Variants in RIC8B observed in about 807,000 individuals in gnomAD.
RIC8B encodes the protein RIC8 guanine nucleotide exchange factor B, also known as chaperone Ric-8B.
RIC8B carries 16 observed loss-of-function variants against 57.5 expected under a neutral mutation model. The observed-to-expected ratio is 0.28, with a 90% CI of 0.19 to 0.42. RIC8B has a LOEUF of 0.42. RIC8B is among the 10% of genes least tolerant of loss of function. The pLI is 1.00. For missense variants in RIC8B, 481 were observed against 677.0 expected (o/e 0.71, Z 3.21); for synonymous variants, 216 against 250.8 (o/e 0.86, Z 1.31).
At chr12:106,834,236 A>G (rs1315601424) in intron 4 of RIC8B, among the ~76,000 whole-genome samples, 1 of 152,120 alleles carries the variant, frequency 6.6e-6, no homozygotes, top group African/African-American at 2.4e-5. Flanking sequence ...ATCTGTTTGG[A>G]TTGTCCTTGT....
At chr12:106,858,475 C>T (rs1476474902) in intron 7 of RIC8B, among the ~76,000 whole-genome samples, 1 of 152,012 alleles carries the variant, frequency 6.6e-6, no homozygotes, top group Non-Finnish European at 1.5e-5. Context: ...ATTAAGAATA[C>T]CTATATACAC....
intron 1 of RIC8B, among the ~76,000 whole-genome samples, chr12:106,780,631 T>C (rs1401322134): frequency 6.6e-6 from 1 of 152,250 alleles, no homozygotes; most frequent in African/African-American, 2.4e-5. Flanking sequence ...TGTTATACTT[T>C]GTTCTTATGT....
chr12:106,861,308 ACTAT>A (rs1949923967), intron 8 of RIC8B, among the ~76,000 whole-genome samples: 1 of 152,028 alleles, frequency 6.6e-6, no homozygotes, highest in Admixed American at 6.6e-5. Flanking sequence ...TCGAGGATAG[ACTAT>A]CTTTATCTGC....
intron 2 of RIC8B, among the ~76,000 whole-genome samples, chr12:106,802,715 C>T (rs1234762126): frequency 1.1e-4 from 16 of 151,828 alleles, no homozygotes; most frequent in African/African-American, 3.6e-4. Context: ...TCACTAGATA[C>T]CAGTAAAAGA....
rs573306689 is a variant in RIC8B, at chr12:106,875,368, C to T, written c.1571+4426C>T. Among the ~76,000 whole-genome samples, 24 of 152,132 alleles carry T rather than the reference C, an allele frequency of 1.6e-4. No individual in the cohort carries two copies. The South Asian group carries it at 5.0e-3, about 32-fold the overall frequency. ...TCCCTGACTTCGGAAAAAATAAGCC[C>T]CTGCAACTCAAGCAGGAGATCTGAA... On this transcript the variant is annotated intron_variant, in intron 9 of 9. Transcript: ENST00000392837.
intron 1 of RIC8B, chr12:106,775,549 T>C (rs2043432957): frequency 3.1e-6 from 1 of 324,982 alleles, no homozygotes; most frequent in South Asian, 2.4e-5. Flanking sequence ...CATTTTGCAA[T>C]TGAGACTCTA....
rs1949015592 is a variant in RIC8B at position 106,842,769 on chromosome 12, G to A, written c.1017G>A (p.Met339Ile). 1.2e-6 allele frequency: 2 copies of A among 1,613,064 alleles called. No homozygotes were observed. The highest frequency in any genetic ancestry group is 3.3e-5 in the Admixed American group (2 of 59,982). Reference sequence around the variant, plus strand: ...CCATGGTATACAATGGTATGAATATGGAGGCCATTCATGTTTTACTGAATT... The same window carrying A: ...CCATGGTATACAATGGTATGAATATAGAGGCCATTCATGTTTTACTGAATT... ...NNTMVYNGMN[M>I]EAIHVLLNFM... Residue 339 changes from methionine to isoleucine, a missense_variant, in exon 5 of 10, where the codon ATG becomes ATA. Physicochemically the swap from Met to Ile is conservative, Grantham distance 10. This residue lies in a region of RIC8B where 421 missense variants were observed against 560.9 expected (regional missense o/e 0.75). Transcript: ENST00000392837.
intron 2 of RIC8B, among the ~76,000 whole-genome samples, chr12:106,788,795 G>T (rs2044144722): frequency 6.6e-6 from 1 of 152,140 alleles, no homozygotes; most frequent in Non-Finnish European, 1.5e-5. Flanking sequence ...TAGGCTTCCG[G>T]GTCTGTAATG....
chr12:106,792,655 G>A (rs2044307509), intron 2 of RIC8B, among the ~76,000 whole-genome samples: 2 of 152,144 alleles, frequency 1.3e-5, no homozygotes, highest in Non-Finnish European at 2.9e-5. Flanking sequence ...TAAGAAAAGT[G>A]GGCCGGATGC....
Position 106,825,798 on chromosome 12 carries a change from G to A in RIC8B, c.814G>A (p.Asp272Asn). ...HCLLIVGPTE[D>N]KTEELHSNAV... ...TTTACTAATCGTAGGTCCAACTGAA[G>A]ACAAAACAGAAGAGCTACACAGGTG... is the stretch of plus-strand genomic sequence containing the variant. Residue 272 changes from aspartate (D) to asparagine (N), a missense_variant, in exon 4 of 10, where the codon GAC (aspartate) becomes AAC (asparagine). Asp to Asn is a conservative substitution (Grantham distance 23). Coordinates refer to ENST00000392837, the MANE Select transcript of RIC8B (RefSeq NM_001330145.2). The A allele has an allele frequency of 2.5e-6, 4 of 1,612,830 alleles. No homozygotes were observed. The highest frequency in any genetic ancestry group is 3.4e-6 in the Non-Finnish European group (4 of 1,178,876).
intron 4 of RIC8B, among the ~76,000 whole-genome samples, chr12:106,842,357 T>C (rs1297262490): frequency 1.3e-5 from 2 of 152,210 alleles, no homozygotes; most frequent in East Asian, 1.9e-4. Context: ...CATCATGTGA[T>C]TGTGTCTGTC....
At chr12:106,826,136 T>A (rs2046088863) in intron 4 of RIC8B, among the ~76,000 whole-genome samples, 1 of 152,212 alleles carries the variant, frequency 6.6e-6, no homozygotes, top group Non-Finnish European at 1.5e-5. Flanking sequence ...ATTGAACACT[T>A]AACTCTGTGG....
At chr12:106,874,592 T>C in intron 9 of RIC8B, 1 of 1,505,236 alleles carries the variant, frequency 6.6e-7, no homozygotes, top group Non-Finnish European at 9.1e-7. Flanking sequence ...GTACTGTTAC[T>C]GAGCCTGGTG....
chr12:106,885,428 T>A (rs1381759149), intron 9 of RIC8B, among the ~76,000 whole-genome samples: 2 of 152,128 alleles, frequency 1.3e-5, no homozygotes, highest in Non-Finnish European at 2.9e-5. Flanking sequence ...TACATATCAC[T>A]AGAGACTGAG....
chr12:106,786,780 C>A (rs2044049070), intron 2 of RIC8B, among the ~76,000 whole-genome samples: 2 of 151,206 alleles, frequency 1.3e-5, no homozygotes, highest in Non-Finnish European at 2.9e-5. Flanking sequence ...GCTGTATGTG[C>A]TAATGAGAGA....
intron 7 of RIC8B, among the ~76,000 whole-genome samples, chr12:106,858,376 A>T (rs1399709045): frequency 6.6e-6 from 1 of 152,180 alleles, no homozygotes; most frequent in Admixed American, 6.5e-5. Flanking sequence ...TCTGTAAGTT[A>T]CTTTGTGTGG....
At chr12:106,829,879 G>A (rs1263171336) in intron 4 of RIC8B, among the ~76,000 whole-genome samples, 1 of 152,078 alleles carries the variant, frequency 6.6e-6, no homozygotes, top group Non-Finnish European at 1.5e-5. Flanking sequence ...GGATTGGTGG[G>A]GGATCATTGT....
intron 3 of RIC8B, among the ~76,000 whole-genome samples, chr12:106,825,410 T>A (rs988334618): frequency 1.3e-5 from 2 of 152,202 alleles, no homozygotes; most frequent in Admixed American, 6.5e-5. Context: ...TTATAATGGT[T>A]AGTAAACTGC....
intron 2 of RIC8B, among the ~76,000 whole-genome samples, chr12:106,793,378 A>G (rs565505728): frequency 2.6e-5 from 4 of 152,332 alleles, no homozygotes; most frequent in African/African-American, 9.6e-5. Context: ...CTTCATTTGC[A>G]CAGAATATGG....
Sources: gnomAD v4.1 joint callset for allele counts (sites outside exome capture counted in the v4.1 genomes callset) on GRCh38, gnomAD v4.1.1 for gene constraint, gnomAD v4.1.1 regional missense constraint, MANE v1.5 for transcripts, NCBI Gene and HGNC (gene_info 2026-07-23, HGNC 2026-07-21) for gene names.